CDC42EP3: variants seen among roughly 807,000 people sequenced by gnomAD.
CDC42EP3 encodes CDC42 effector protein (Rho GTPase binding) 3.
A neutral mutation model predicts 15.5 loss-of-function variants in CDC42EP3; 4 were observed. That is an observed-to-expected ratio of 0.26 (90% CI 0.13 to 0.59). The LOEUF (loss-of-function observed/expected upper bound fraction) is 0.59. Ranked by LOEUF, CDC42EP3 falls within the 20% of genes least tolerant of loss-of-function variation. CDC42EP3 has a pLI of 0.89. For synonymous variants in CDC42EP3, 145 were observed against 130.3 expected, an observed-to-expected ratio of 1.11 and a Z score of -0.77; for missense variants, 309 against 311.2, an observed-to-expected ratio of 0.99 and a Z score of 0.05.
At chr2:37,665,371 T>A (rs1250995733) in intron 1 of CDC42EP3, among the ~76,000 whole-genome samples, 1 of 152,176 alleles carries the variant, frequency 6.6e-6, no homozygotes, top group Non-Finnish European at 1.5e-5. Flanking sequence ...AGGATTTGTT[T>A]TCTGACTAGC....
chr2:37,649,096 G>A (rs1026110039), intron 1 of CDC42EP3, among the ~76,000 whole-genome samples: 3 of 149,510 alleles, frequency 2.0e-5, no homozygotes, highest in African/African-American at 7.4e-5. Context: ...AAAAAAAATC[G>A]ATCACTTAAG....
chr2:37,672,736 C>T (rs1027903920), upstream of CDC42EP3, among the ~76,000 whole-genome samples: 2 of 152,232 alleles, frequency 1.3e-5, no homozygotes, highest in East Asian at 1.9e-4. Flanking sequence ...GGGCTGGGAC[C>T]CCTGGGAGTC....
At chr2:37,671,162 T>A (rs577407096) in intron 1 of CDC42EP3, among the ~76,000 whole-genome samples, 9 of 152,342 alleles carry the variant, frequency 5.9e-5, no homozygotes, top group Non-Finnish European at 1.3e-4. Context: ...GGGTGCAATG[T>A]GGCCGCGCAG....
chr2:37,646,036 G>C lies in CDC42EP3; in HGVS notation c.552C>G (p.Gly184=). The change falls in exon 2 of 2, where the codon GGC becomes GGG. Residue 184 remains glycine, a synonymous_variant. Coordinates refer to ENST00000295324, the MANE Select transcript of CDC42EP3 (RefSeq NM_006449.5). ...ACAGGCTGGAGGAGTGGCTGTCTCT[G>C]CCTTGGCTGGACTGAGATGCAGAAC... The part of the protein sequence containing the change: ...SSGSASQSSQ[G]RDSHSSSLSE... 1 of 1,614,074 alleles carries C rather than the reference G, an allele frequency of 6.2e-7. No individual in the cohort carries two copies. Among genetic ancestry groups the C allele is most frequent in the Non-Finnish European group, 8.5e-7 (1 of 1,179,988 alleles).
chr2:37,646,668 T>TTTGA lies in CDC42EP3; in HGVS notation c.-85_-82dup, dbSNP rs762702332. 246 of 1,315,036 alleles carry TTTGA rather than the reference T, an allele frequency of 1.9e-4. 1 individual carries two copies. Among genetic ancestry groups the TTTGA allele is most frequent in the Non-Finnish European group, 2.5e-4 (237 of 958,708 alleles). 81.5% of individuals were successfully genotyped at this position (1,315,036 alleles called of 1,614,324 possible). ...AGATGGTATATGTTTCTGAATCCTT[T>TTTGA]TTGATAGGAACTGTCACATCATTTT... On this transcript the variant is annotated 5_prime_UTR_variant, in exon 2 of 2. Coordinates refer to ENST00000295324, the MANE Select transcript of CDC42EP3 (RefSeq NM_006449.5).
In CDC42EP3 at chr2:37,645,999, G is replaced by A. The variant is rs777864045; in HGVS notation, c.589C>T (p.Pro197Ser). 2 of 1,613,940 alleles carry A rather than the reference G, an allele frequency of 1.2e-6. No individual in the cohort carries two copies. The highest frequency in any genetic ancestry group is 1.3e-5 in the African/African-American group (1 of 75,038). Reference sequence around the variant, plus strand: ...AACATGTCCTCGGCTGGCCAGTCGGGGTACTGTTCGGACAGGCTGGAGGAG... The same window carrying A: ...AACATGTCCTCGGCTGGCCAGTCGGAGTACTGTTCGGACAGGCTGGAGGAG... ...SHSSSLSEQY[P>S]DWPAEDMFDH... Residue 197 changes from proline (P) to serine (S), a missense_variant, in exon 2 of 2, where the codon CCC (proline) becomes TCC (serine). By Grantham distance (74) the Pro-to-Ser change is moderately conservative. Coordinates refer to ENST00000295324, the MANE Select transcript of CDC42EP3 (RefSeq NM_006449.5).
chr2:37,662,975 G>T (rs2124633366), intron 1 of CDC42EP3, among the ~76,000 whole-genome samples: 1 of 152,306 alleles, frequency 6.6e-6, no homozygotes, highest in South Asian at 2.1e-4. Context: ...GACCAGTCTG[G>T]CCAACACGGT....
At chr2:37,654,587 G>A (rs1227617570) in intron 1 of CDC42EP3, among the ~76,000 whole-genome samples, 1 of 152,130 alleles carries the variant, frequency 6.6e-6, no homozygotes, top group East Asian at 1.9e-4. Context: ...AGCTCTCACA[G>A]AGGGGAGGGC....
intron 1 of CDC42EP3, among the ~76,000 whole-genome samples, chr2:37,656,970 A>T (rs1665871214): frequency 1.4e-5 from 2 of 141,458 alleles, no homozygotes; most frequent in South Asian, 4.8e-4. Flanking sequence ...TGAATTGTAA[A>T]GTAACAAAGC....
Position 37,646,068 on chromosome 2 carries a change from A to C in CDC42EP3, c.520T>G (p.Ser174Ala), listed in dbSNP as rs1665447593. 6.2e-7 allele frequency: 1 copy of C among 1,614,084 alleles called. No homozygotes were observed. Among genetic ancestry groups the C allele is most frequent in the South Asian group, 1.1e-5 (1 of 91,086 alleles). Reference sequence around the variant, plus strand: ...CTGGACTGAGATGCAGAACCGCTGGAGCCCCACGAGGTGTCTCCCTGGTGG... The same window carrying C: ...CTGGACTGAGATGCAGAACCGCTGGCGCCCCACGAGGTGTCTCCCTGGTGG... ...TVHQGDTSWG[S>A]SGSASQSSQG... Residue 174 changes from serine (S) to alanine (A), a missense_variant, in exon 2 of 2, where the codon TCC (serine) becomes GCC (alanine). Physicochemically the swap from Ser to Ala is moderately conservative, Grantham distance 99 (BLOSUM62 1). Coordinates refer to ENST00000295324, the MANE Select transcript of CDC42EP3 (RefSeq NM_006449.5).
chr2:37,671,681 AG>A (rs1666427600), upstream of CDC42EP3: 1 of 149,598 alleles, frequency 6.7e-6, no homozygotes, highest in Non-Finnish European at 1.5e-5. Flanking sequence ...GAACCTGCGG[AG>A]GGCGGGGCGG....
At chr2:37,659,359 C>T (rs1665982185) in intron 1 of CDC42EP3, among the ~76,000 whole-genome samples, 1 of 152,196 alleles carries the variant, frequency 6.6e-6, no homozygotes, top group African/African-American at 2.4e-5. Context: ...GTGGCAAAGG[C>T]TTTCATTTTT....
rs1360883145 is a variant in CDC42EP3, at chr2:37,671,418, C to T, written c.-236+8G>A. ...GAGAGGAAGGAGCCCTGGGCTGCCC[C>T]GACTCACCGGCCGCCGCTGAGGATC... On this transcript the variant is annotated splice_region_variant and intron_variant, in intron 1 of 1. Coordinates refer to ENST00000295324, the MANE Select transcript of CDC42EP3 (RefSeq NM_006449.5). 6.5e-6 allele frequency: 1 copy of T among 152,686 alleles called. No homozygotes were observed. Among genetic ancestry groups the T allele is most frequent in the Non-Finnish European group, 1.5e-5 (1 of 68,438 alleles). 9.5% of individuals were successfully genotyped at this position (152,686 alleles called of 1,614,324 possible). A position where few individuals can be genotyped will look rare whatever the true frequency, so the allele number is the denominator to read the frequency against.
chr2:37,653,025 C>T (rs1479539289), intron 1 of CDC42EP3, among the ~76,000 whole-genome samples: 1 of 152,216 alleles, frequency 6.6e-6, no homozygotes, highest in East Asian at 1.9e-4. Flanking sequence ...GTTCCACAAA[C>T]TTTCTCCTAG....
intron 1 of CDC42EP3, among the ~76,000 whole-genome samples, chr2:37,667,956 T>C (rs187859059): frequency 6.6e-6 from 1 of 152,316 alleles, no homozygotes; most frequent in East Asian, 1.9e-4. Context: ...ATAGTCTGCC[T>C]TATCCTCCAC....
chr2:37,667,166 T>TTC (rs763647311), intron 1 of CDC42EP3, among the ~76,000 whole-genome samples: 10 of 152,188 alleles, frequency 6.6e-5, no homozygotes, highest in Non-Finnish European at 1.3e-4. Context: ...CCTTGTTGTG[T>TTC]GTTTCTTATC....
intron 1 of CDC42EP3, among the ~76,000 whole-genome samples, chr2:37,668,804 G>C (rs1000357113): frequency 6.6e-6 from 1 of 152,196 alleles, no homozygotes; most frequent in African/African-American, 2.4e-5. Flanking sequence ...GCTGAGAAGA[G>C]TGCTTGACAC....
At position 37,645,677 on chromosome 2, in the gene CDC42EP3, A is replaced by G. The variant is rs1665426665; in HGVS notation, c.*146T>C. Reference sequence around the variant, plus strand: ...TCTAAATTGTTTTTGCAAACAGGGCATAACAGGTAAAAAAATACTTTGTAA... The same window carrying G: ...TCTAAATTGTTTTTGCAAACAGGGCGTAACAGGTAAAAAAATACTTTGTAA... On this transcript the variant is annotated 3_prime_UTR_variant, in exon 2 of 2. Coordinates refer to ENST00000295324, the MANE Select transcript of CDC42EP3 (RefSeq NM_006449.5). The G allele has an allele frequency of 5.9e-6, 4 of 682,470 alleles. No individual in the cohort carries two copies. The South Asian group carries it at 8.2e-5, about 14-fold the overall frequency. The allele number at this position is 682,470 out of a possible 1,614,324, so 42.3% of individuals were successfully genotyped here.
intron 1 of CDC42EP3, among the ~76,000 whole-genome samples, chr2:37,661,876 T>G: frequency 6.6e-6 from 1 of 152,088 alleles, no homozygotes; most frequent in East Asian, 1.9e-4. Flanking sequence ...AGGCTTAAGA[T>G]TTTCTTTTCC....
Sources: allele counts gnomAD v4.1 joint callset (sites outside exome capture counted in the v4.1 genomes callset), GRCh38; gene constraint gnomAD v4.1.1; transcripts MANE v1.5; gene names NCBI Gene and HGNC (gene_info 2026-07-23, HGNC 2026-07-21).